Variants in CRNKL1 observed in about 807,000 individuals in gnomAD.
CRNKL1 encodes the protein crooked neck-like protein 1.
A neutral mutation model predicts 103.7 loss-of-function variants in CRNKL1; 35 were observed. That is an observed-to-expected ratio of 0.34 (90% CI 0.26 to 0.45). The LOEUF is 0.45. CRNKL1 is among the 20% of genes least tolerant of loss of function. The pLI, the probability that CRNKL1 is intolerant of heterozygous loss-of-function variation, is 1.00. For missense variants in CRNKL1, 645 were observed against 836.0 expected (o/e 0.77, Z 2.82); for synonymous variants, 267 against 282.6 (o/e 0.94, Z 0.55).
chr20:20,038,472 G>A, intron 11 of CRNKL1, 22 bp from the exon 12 acceptor site: 1 of 1,409,332 alleles, frequency 7.1e-7, no homozygotes, highest in Non-Finnish European at 9.8e-7. Flanking sequence ...AAGTAAATGG[G>A]TCAGTCTTGA....
chr20:20,037,552 T>G lies in CRNKL1; in HGVS notation c.1667A>C (p.Gln556Pro), dbSNP rs763465412. ...TTCTTTTCCTGAAGACAACTCAAAC[T>G]GAGCAAAGCTGATCCATACCTTTAA... The part of the protein sequence containing the change: ...QHVKVWISFA[Q>P]FELSSGKEGS... The change falls in exon 13 of 14, where the codon CAG becomes CCG. Residue 556 changes from glutamine to proline, a missense_variant. Physicochemically the swap from Gln to Pro is moderately conservative, Grantham distance 76. Coordinates refer to ENST00000536226, the MANE Select transcript of CRNKL1 (RefSeq NM_001278628.2). The G allele has an allele frequency of 1.7e-5, 27 of 1,613,990 alleles. No homozygotes were observed. Among genetic ancestry groups the G allele is most frequent in the Non-Finnish European group, 2.3e-5 (27 of 1,179,998 alleles).
Position 20,035,622 on chromosome 20 carries a change from A to G in CRNKL1, c.*573T>C, listed in dbSNP as rs1459683663. ...TAAGGTAAATTATTAATCCACTCGC[A>G]TTCAATTCTACAAGGAATGAAACCA... On this transcript the variant is annotated 3_prime_UTR_variant, in exon 14 of 14. Transcript: ENST00000536226. The G allele has an allele frequency of 1.3e-5, 2 of 152,260 alleles. No homozygotes were observed. Among genetic ancestry groups the G allele is most frequent in the African/African-American group, 4.8e-5 (2 of 41,466 alleles). 9.4% of individuals were successfully genotyped at this position (152,260 alleles called of 1,614,324 possible).
At chr20:20,052,203 G>T in intron 1 of CRNKL1, 89 bp downstream of exon 1, 1 of 1,154,734 alleles carries the variant, frequency 8.7e-7, no homozygotes, top group Non-Finnish European at 1.2e-6. Flanking sequence ...TCCCCGGCGG[G>T]AACACTCTCT....
chr20:20,040,351 A>G (rs1012723179), intron 10 of CRNKL1, among the ~76,000 whole-genome samples: 4 of 152,098 alleles, frequency 2.6e-5, no homozygotes, highest in Admixed American at 2.0e-4. Flanking sequence ...AAAAGAAAAA[A>G]AAAGTGGAAC....
chr20:20,043,561 A>C lies in CRNKL1; in HGVS notation c.903T>G (p.Phe301Leu). The C allele has an allele frequency of 6.2e-7, 1 of 1,614,094 alleles. No homozygotes were observed. Among genetic ancestry groups the C allele is most frequent in the South Asian group, 1.1e-5 (1 of 91,074 alleles). The part of the protein sequence containing the change: ...FKNYTIFEKK[F>L]GDRRGIEDII... ...TATCTTCAATACCCCGCCTATCACC[A>C]AACTTCTTCTCAAAGATGGTATAAT... The change falls in exon 7 of 14, where the codon TTT becomes TTG. Residue 301 changes from phenylalanine to leucine, a missense_variant. Physicochemically the swap from Phe to Leu is conservative, Grantham distance 22. Coordinates refer to ENST00000536226, the MANE Select transcript of CRNKL1 (RefSeq NM_001278628.2).
At chr20:20,046,257 G>C (rs2043592920) in intron 5 of CRNKL1, among the ~76,000 whole-genome samples, 1 of 152,172 alleles carries the variant, frequency 6.6e-6, no homozygotes, top group Non-Finnish European at 1.5e-5. Context: ...CTGTAGGACA[G>C]AGAAGTTCCT....
chr20:20,039,575 TCAAA>T (rs2043479099), intron 11 of CRNKL1, 30 bp downstream of exon 11: 1 of 1,611,050 alleles, frequency 6.2e-7, no homozygotes, highest in Admixed American at 1.7e-5. Flanking sequence ...AACACGTATC[TCAAA>T]CAAAATTATA....
chr20:20,040,713 C>T lies in CRNKL1; in HGVS notation c.1278G>A (p.Lys426=). 1 of 1,611,528 alleles carries T rather than the reference C, an allele frequency of 6.2e-7. No individual in the cohort carries two copies. Among genetic ancestry groups the T allele is most frequent in the South Asian group, 1.1e-5 (1 of 90,856 alleles). ...ILYAQFEIRQ[K]NLSLARRALG... is the part of the protein sequence containing the mutation. ...ATGCTCTTCTGGCTAATGACAGATT[C>T]TTCTGTCGTATTTCAAACTGTGCAT... Residue 426 remains lysine, a synonymous_variant, in exon 10 of 14, where the codon AAG becomes AAA. Coordinates refer to ENST00000536226, the MANE Select transcript of CRNKL1 (RefSeq NM_001278628.2).
chr20:20,037,241 C>A, intron 13 of CRNKL1, 82 bp downstream of exon 13: 1 of 1,493,782 alleles, frequency 6.7e-7, no homozygotes. Context: ...GTACATATGC[C>A]ACTTAAAAGT....
chr20:20,050,809 T>G (rs1055516479), intron 1 of CRNKL1, among the ~76,000 whole-genome samples, 187 bp from the exon 2 acceptor site: 1 of 152,178 alleles, frequency 6.6e-6, no homozygotes, highest in African/African-American at 2.4e-5. Context: ...CTCTTATTCA[T>G]AGTATCTACT....
intron 12 of CRNKL1, 69 bp downstream of exon 12, chr20:20,038,280 G>T: frequency 4.4e-5 from 35 of 797,264 alleles, no homozygotes; most frequent in African/African-American, 9.7e-5. Flanking sequence ...TTAAAATACA[G>T]AAATATATCA....
At chr20:20,038,975 C>T (rs922954265) in intron 11 of CRNKL1, among the ~76,000 whole-genome samples, 2 of 152,120 alleles carry the variant, frequency 1.3e-5, no homozygotes, top group African/African-American at 4.8e-5. Context: ...GTGGAGGAGC[C>T]GAGGACAACT....
chr20:20,051,126 C>T (rs1484067704), intron 1 of CRNKL1, among the ~76,000 whole-genome samples: 1 of 152,182 alleles, frequency 6.6e-6, no homozygotes, highest in African/African-American at 2.4e-5. Context: ...TAGAAGCTTA[C>T]AGTCTAACGT....
chr20:20,046,814 A>T (rs1468294710), intron 5 of CRNKL1, among the ~76,000 whole-genome samples: 1 of 152,214 alleles, frequency 6.6e-6, no homozygotes, highest in African/African-American at 2.4e-5. Flanking sequence ...GGCAAGCCTC[A>T]CCTTGTTGGA....
upstream of CRNKL1, chr20:20,055,841 T>C: frequency 3.5e-6 from 3 of 847,654 alleles, no homozygotes; most frequent in South Asian, 2.8e-5. Context: ...GGCTAGTATA[T>C]AATAAAATGG....
At chr20:20,049,823 T>C (rs929982746) in intron 2 of CRNKL1, among the ~76,000 whole-genome samples, 26 of 128,382 alleles carry the variant, frequency 2.0e-4, no homozygotes, top group Admixed American at 3.6e-4. Flanking sequence ...TCTTTCTTTC[T>C]TTTTTTTTTT....
chr20:20,045,574 G>C (rs1308727955), intron 5 of CRNKL1, 88 bp from the exon 6 acceptor site: 1 of 1,216,568 alleles, frequency 8.2e-7, no homozygotes, highest in African/African-American at 1.5e-5. Context: ...ACCAAAGCCT[G>C]GAAACTCCAA....
chr20:20,052,287 C>T lies in CRNKL1; in HGVS notation c.51+5G>A. ...CCTCCTACAAGGCCCCTCGCGATCG[C>T]CTACCTTGGCCACTTTGGGAATCCG... On this transcript the variant is annotated splice_donor_5th_base_variant and intron_variant, in intron 1 of 13. Coordinates refer to ENST00000536226, the MANE Select transcript of CRNKL1 (RefSeq NM_001278628.2). 2 of 1,606,578 alleles carry T rather than the reference C, an allele frequency of 1.2e-6. No individual in the cohort carries two copies. The highest frequency in any genetic ancestry group is 1.7e-6 in the Non-Finnish European group (2 of 1,177,724).
intron 6 of CRNKL1, among the ~76,000 whole-genome samples, chr20:20,045,060 G>C (rs2043573395): frequency 6.6e-6 from 1 of 152,072 alleles, no homozygotes. Context: ...CGGGCATTCA[G>C]ACTAAAAGGC....
Sources: gnomAD v4.1 joint callset for allele counts (sites outside exome capture counted in the v4.1 genomes callset) on GRCh38, gnomAD v4.1.1 for gene constraint, MANE v1.5 for transcripts, NCBI Gene and HGNC (gene_info 2026-07-23, HGNC 2026-07-21) for gene names.